Variants in CELF2 observed in about 807,000 individuals in gnomAD.
CELF2 encodes the protein CUGBP Elav-like family member 2.
A neutral mutation model predicts 62.6 loss-of-function variants in CELF2; 8 were observed. That is an observed-to-expected ratio of 0.13 (90% CI 0.07 to 0.23). The LOEUF (loss-of-function observed/expected upper bound fraction) is 0.23. Ranked by LOEUF, CELF2 falls within the 10% of genes least tolerant of loss-of-function variation. The probability of loss-of-function intolerance (pLI) is 1.00; values close to 1 mark genes in which losing one functional copy is unlikely to be tolerated. For synonymous variants in CELF2, 258 were observed against 250.0 expected (o/e 1.03, Z -0.30); for missense variants, 333 against 671.0 (o/e 0.50, Z 5.56).
Position 11,268,890 on chromosome 10 carries a change from T to C in CELF2, c.619-1776T>C, listed in dbSNP as rs757653299. On this transcript the variant is annotated intron_variant, in intron 6 of 12. Transcript: ENST00000633077. The surrounding 1 kb of genome is among the most constrained non-coding windows in gnomAD (Gnocchi z 4.7). ...AGAACAAGGTCTTAAAAACAATTAA[T>C]TTTATATCGTGCCTTCTGTTTCTCC... 2.6e-5 allele frequency among the ~76,000 whole-genome samples: 4 copies of C among 152,068 alleles called. No individual in the cohort carries two copies. Among genetic ancestry groups the C allele is most frequent in the South Asian group, 2.1e-4 (1 of 4,686 alleles).
chr10:10,789,551 C>T, the CELF2 span, among the ~76,000 whole-genome samples: 1 of 152,022 alleles, frequency 6.6e-6, no homozygotes, highest in African/African-American at 2.4e-5. Context: ...TACCAAATTG[C>T]TTTCTGGACA....
At chr10:10,878,838 G>A (rs183673057) in intron 1 of CELF2, among the ~76,000 whole-genome samples, 14 of 152,262 alleles carry the variant, frequency 9.2e-5, no homozygotes, top group South Asian at 8.3e-4. Context: ...GCATCTTCTC[G>A]TCTCTGCCAA....
intron 1 of CELF2, among the ~76,000 whole-genome samples, chr10:10,867,920 C>A (rs956706611): frequency 6.6e-6 from 1 of 152,212 alleles, no homozygotes; most frequent in African/African-American, 2.4e-5. Flanking sequence ...TTGTCCCTTT[C>A]TTAAACCCAC....
At chr10:10,574,202 C>A in the CELF2 span, among the ~76,000 whole-genome samples, 3 of 152,100 alleles carry the variant, frequency 2.0e-5, no homozygotes, top group Non-Finnish European at 2.9e-5. Context: ...ACTTTGAAAG[C>A]CAAGGACATT....
intron 3 of CELF2, among the ~76,000 whole-genome samples, chr10:11,233,855 C>G (rs368813637): frequency 1.1e-4 from 16 of 152,280 alleles, no homozygotes; most frequent in African/African-American, 3.9e-4. Context: ...GGGAGGTTAT[C>G]CCTGTAATCC....
the CELF2 span, among the ~76,000 whole-genome samples, chr10:10,700,660 C>G: frequency 2.0e-5 from 3 of 152,326 alleles, no homozygotes; most frequent in South Asian, 6.2e-4. Flanking sequence ...TATGTATCTC[C>G]TAGTGACTCC....
chr10:11,019,645 T>C (rs73571679), intron 1 of CELF2, among the ~76,000 whole-genome samples: 2,405 of 152,240 alleles, frequency 0.016, 59 homozygotes, highest in African/African-American at 0.054. Flanking sequence ...TTATGCAAAT[T>C]GTCTTTTGAG....
chr10:10,831,225 A>T (rs1191218797), intron 1 of CELF2, among the ~76,000 whole-genome samples: 1 of 152,164 alleles, frequency 6.6e-6, no homozygotes, highest in East Asian at 1.9e-4. Flanking sequence ...CCCAGTGTTG[A>T]CTTCGGATGG....
At chr10:10,627,045 C>G in the CELF2 span, among the ~76,000 whole-genome samples, 4 of 151,938 alleles carry the variant, frequency 2.6e-5, no homozygotes, top group East Asian at 7.7e-4. Flanking sequence ...GCTGCTGTAA[C>G]GAAAGAAGAA....
chr10:10,497,306 C>G, the CELF2 span, among the ~76,000 whole-genome samples: 1 of 151,288 alleles, frequency 6.6e-6, no homozygotes, highest in Admixed American at 6.6e-5. Context: ...AAGGAGAGGA[C>G]GCAACAGAGG....
the CELF2 span, among the ~76,000 whole-genome samples, chr10:10,495,509 C>T: frequency 6.6e-6 from 1 of 152,244 alleles, no homozygotes; most frequent in South Asian, 2.1e-4. Flanking sequence ...TAGAGGACCT[C>T]AAGGGTGCCT....
At chr10:11,205,592 G>T (rs936032421) in intron 2 of CELF2, among the ~76,000 whole-genome samples, 1 of 152,170 alleles carries the variant, frequency 6.6e-6, no homozygotes, top group Non-Finnish European at 1.5e-5. Context: ...AGCTTGTGAT[G>T]CTAATCAGGA....
At chr10:11,289,375 A>G (rs998875743) in intron 9 of CELF2, among the ~76,000 whole-genome samples, 3 of 152,184 alleles carry the variant, frequency 2.0e-5, no homozygotes, top group African/African-American at 7.2e-5. Context: ...TAAGTGTTGG[A>G]AAAACGTTAA....
In CELF2 at chr10:11,217,362, C is replaced by T. The variant is rs2063618800; in HGVS notation, c.272-63C>T. 2.6e-6 allele frequency: 3 copies of T among 1,134,326 alleles called. No homozygotes were observed. The highest frequency in any genetic ancestry group is 3.9e-6 in the Non-Finnish European group (3 of 762,872). 70.3% of individuals were successfully genotyped at this position (1,134,326 alleles called of 1,614,324 possible). A position where few individuals can be genotyped will look rare whatever the true frequency, so the allele number is the denominator to read the frequency against. ...AAGTAGATTGTTTGTTCGCCACAGT[C>T]TCCATTATATCTAAGCAAAGCATTC... On this transcript the variant is annotated intron_variant, in intron 2 of 12. Coordinates refer to ENST00000633077, the MANE Select transcript of CELF2 (RefSeq NM_001326342.2). This position sits in a 1 kb window ranked among gnomAD's most constrained non-coding sequence, Gnocchi z 5.6.
intron 1 of CELF2, chr10:11,097,203 TG>T (rs1313907517): frequency 6.6e-6 from 1 of 152,206 alleles, no homozygotes; most frequent in Non-Finnish European, 1.5e-5. Flanking sequence ...CCATCACATT[TG>T]TTTTCCTGGT....
chr10:10,580,057 A>G, the CELF2 span, among the ~76,000 whole-genome samples: 1 of 152,222 alleles, frequency 6.6e-6, no homozygotes. Flanking sequence ...TCTACACAGT[A>G]ATAATAGTGA....
Position 11,159,248 on chromosome 10 carries a change from G to A in CELF2, c.75-6238G>A, listed in dbSNP as rs879285838. On this transcript the variant is annotated intron_variant, in intron 1 of 12. Transcript: ENST00000633077. This position sits in a 1 kb window ranked among gnomAD's most constrained non-coding sequence, Gnocchi z 5.0. ...ATTATTTTCACATATTTTTGGTGGC[G>A]TAACTGATAACCAAAACATTTTGTT... is the stretch of plus-strand genomic sequence containing the variant. 2.0e-5 allele frequency among the ~76,000 whole-genome samples: 3 copies of A among 152,158 alleles called. No individual in the cohort carries two copies. The highest frequency in any genetic ancestry group is 2.9e-5 in the Non-Finnish European group (2 of 68,026).
intron 3 of CELF2, among the ~76,000 whole-genome samples, chr10:11,231,700 T>C (rs2068726478): frequency 6.6e-6 from 1 of 151,024 alleles, no homozygotes; most frequent in African/African-American, 2.4e-5. Flanking sequence ...CTTTTTTTTT[T>C]TTTTTTCCCA....
At chr10:10,567,556 T>C in the CELF2 span, among the ~76,000 whole-genome samples, 15,823 of 152,142 alleles carry the variant, frequency 0.1, 924 homozygotes, top group Middle Eastern at 0.2. Flanking sequence ...TACTAGGAAC[T>C]CTTAAGGTGG....
Sources: allele counts gnomAD v4.1 joint callset (sites outside exome capture counted in the v4.1 genomes callset), GRCh38; gene constraint gnomAD v4.1.1; non-coding constraint Gnocchi (gnomAD v3.1); transcripts MANE v1.5; gene names NCBI Gene and HGNC (gene_info 2026-07-23, HGNC 2026-07-21).